DMD: variants seen among roughly 807,000 people sequenced by gnomAD.
DMD encodes the protein dystrophin.
A neutral mutation model predicts 330.1 loss-of-function variants in DMD; 63 were observed. That is an observed-to-expected ratio of 0.19 (90% CI 0.16 to 0.24). The LOEUF is 0.24. DMD is among the 10% of genes least tolerant of loss of function. DMD has a pLI of 1.00. For synonymous variants in DMD, 1,223 were observed against 959.8 expected, an observed-to-expected ratio of 1.27 and a Z score of -5.07; for missense variants, 3,344 against 2,684.1, an observed-to-expected ratio of 1.25 and a Z score of -5.43.
intron 42 of DMD, among the ~76,000 whole-genome samples, chrX:32,306,099 T>C (rs997059691): frequency 7.3e-5 from 8 of 109,930 alleles, no homozygotes; most frequent in Non-Finnish European, 1.5e-4. Flanking sequence ...AATATTTACT[T>C]ATCATTTTTC....
At chrX:32,353,056 T>G (rs754855729) in intron 37 of DMD, among the ~76,000 whole-genome samples, 374 of 111,223 alleles carry the variant, frequency 3.4e-3, no homozygotes, top group Non-Finnish European at 5.2e-3. Context: ...TATATTAATT[T>G]AATCAACCAG....
chrX:33,226,953 A>T (rs1182757913), intron 1 of DMD, among the ~76,000 whole-genome samples: 1 of 109,983 alleles, frequency 9.1e-6, no homozygotes, highest in Non-Finnish European at 1.9e-5. Flanking sequence ...CATGTTTAAC[A>T]CTGTTGCACT....
intron 74 of DMD, among the ~76,000 whole-genome samples, chrX:31,161,398 G>A (rs767868253): frequency 8.1e-5 from 9 of 111,637 alleles, no homozygotes; most frequent in African/African-American, 2.6e-4. Context: ...AACTGAATAC[G>A]TAAAATCAAC....
intron 60 of DMD, among the ~76,000 whole-genome samples, chrX:31,367,676 T>G (rs1272155246): frequency 8.9e-6 from 1 of 111,931 alleles, no homozygotes; most frequent in African/African-American, 3.3e-5. Flanking sequence ...TAATGATTAT[T>G]TCATTTGATC....
chrX:32,181,597 A>G (rs767113428), intron 44 of DMD, among the ~76,000 whole-genome samples: 1 of 111,747 alleles, frequency 8.9e-6, no homozygotes, highest in South Asian at 3.7e-4. Flanking sequence ...TTATTACTTA[A>G]CCTAAAAATA....
chrX:33,034,223 G>C (rs984144927), intron 1 of DMD, among the ~76,000 whole-genome samples: 13 of 111,516 alleles, frequency 1.2e-4, no homozygotes, highest in Non-Finnish European at 2.4e-4. Context: ...ACATTAAAAT[G>C]ATTGTAAAGT....
At chrX:33,254,016 C>T (rs1378697486) in intron 1 of DMD, among the ~76,000 whole-genome samples, 2 of 110,513 alleles carry the variant, frequency 1.8e-5, no homozygotes, top group African/African-American at 3.3e-5. Flanking sequence ...ATAGCTTATA[C>T]TCATTTCTAT....
At chrX:31,422,824 C>G (rs930833646) in intron 60 of DMD, among the ~76,000 whole-genome samples, 2 of 108,953 alleles carry the variant, frequency 1.8e-5, no homozygotes, top group African/African-American at 6.6e-5. Flanking sequence ...TGTAAAATCT[C>G]CAAACCACTG....
At chrX:32,529,610 T>C (rs1203973197) in intron 17 of DMD, among the ~76,000 whole-genome samples, 1 of 109,541 alleles carries the variant, frequency 9.1e-6, no homozygotes, top group Non-Finnish European at 1.9e-5. Context: ...TTTTTAAAAA[T>C]TACTTGTAAA....
At chrX:32,001,268 A>T (rs1380536982) in intron 44 of DMD, among the ~76,000 whole-genome samples, 1 of 111,533 alleles carries the variant, frequency 9.0e-6, no homozygotes, top group Non-Finnish European at 1.9e-5. Context: ...CATGTAAATT[A>T]TACCTCAATA....
At chrX:32,565,608 G>C (rs1450199611) in intron 16 of DMD, 94 bp downstream of exon 16, 1 of 907,778 alleles carries the variant, frequency 1.1e-6, no homozygotes, top group East Asian at 3.1e-5. Context: ...AACTAATCTG[G>C]TTGCTTCTTT....
chrX:32,416,649 C>G (rs780067205), intron 29 of DMD, among the ~76,000 whole-genome samples: 12 of 111,832 alleles, frequency 1.1e-4, no homozygotes, highest in Non-Finnish European at 2.3e-4. Context: ...ACTGTCCGTA[C>G]CTTGCAGAAA....
intron 44 of DMD, among the ~76,000 whole-genome samples, chrX:32,057,766 G>A (rs760610673): frequency 9.0e-6 from 1 of 110,976 alleles, no homozygotes; most frequent in South Asian, 3.7e-4. Flanking sequence ...AACCACAAAC[G>A]ACTCCAAATA....
At chrX:31,199,902 G>C (rs976165695) in intron 67 of DMD, among the ~76,000 whole-genome samples, 3 of 111,561 alleles carry the variant, frequency 2.7e-5, no homozygotes, top group African/African-American at 9.8e-5. Context: ...AAAGGGCAGA[G>C]GACATTTTCA....
intron 44 of DMD, among the ~76,000 whole-genome samples, chrX:32,024,508 A>AAAAT (rs1397758849): frequency 9.8e-6 from 1 of 102,168 alleles, no homozygotes; most frequent in African/African-American, 3.7e-5. Context: ...AAAAAAAAAA[A>AAAAT]GTATGAAACA....
intron 19 of DMD, among the ~76,000 whole-genome samples, chrX:32,493,806 T>C (rs1245049689): frequency 8.9e-6 from 1 of 112,091 alleles, no homozygotes; most frequent in Non-Finnish European, 1.9e-5. Context: ...AATGATCAGA[T>C]ATTTAGGAGA....
chrX:31,547,923 C>T (rs1378010280), intron 55 of DMD, among the ~76,000 whole-genome samples: 1 of 111,790 alleles, frequency 8.9e-6, no homozygotes, highest in Non-Finnish European at 1.9e-5. Flanking sequence ...TCCCTTTGGC[C>T]TCTGAGGCAC....
chrX:32,721,420 C>T (rs745444878), intron 7 of DMD, among the ~76,000 whole-genome samples: 1 of 109,273 alleles, frequency 9.2e-6, no homozygotes, highest in East Asian at 2.9e-4. Flanking sequence ...GAAGTAATAC[C>T]TTATTATGAT....
chrX:31,210,087 C>G (rs2044498952), intron 64 of DMD, among the ~76,000 whole-genome samples: 1 of 111,633 alleles, frequency 9.0e-6, no homozygotes, highest in African/African-American at 3.3e-5. Context: ...TCCGATGATA[C>G]TTTCTTGTAT....
Sources: gnomAD v4.1 joint callset for allele counts (sites outside exome capture counted in the v4.1 genomes callset) on GRCh38, gnomAD v4.1.1 for gene constraint, MANE v1.5 for transcripts, NCBI Gene and HGNC (gene_info 2026-07-23, HGNC 2026-07-21) for gene names.